TIAM2: variants seen among roughly 807,000 people sequenced by gnomAD.
TIAM2 encodes rho guanine nucleotide exchange factor TIAM2.
In TIAM2, 80 loss-of-function variants were observed where a neutral mutation model predicts 152.9. The observed-to-expected ratio is 0.52, with a 90% CI of 0.44 to 0.63. The LOEUF is 0.63. Among genes scored for constraint, TIAM2 ranks in the 30% least tolerant of loss-of-function variants. The pLI is 0.00. For missense variants in TIAM2, 1,965 were observed against 2,120.1 expected (o/e 0.93, Z 1.44); for synonymous variants, 804 against 838.0 (o/e 0.96, Z 0.70).
At chr6:155,173,858 T>C (rs1212554175) in intron 9 of TIAM2, among the ~76,000 whole-genome samples, 1 of 152,042 alleles carries the variant, frequency 6.6e-6, no homozygotes, top group Non-Finnish European at 1.5e-5. Flanking sequence ...AAAGGAGAGA[T>C]AGGAGAGAAT....
chr6:155,055,079 C>T (rs1777412328), intron 1 of TIAM2, among the ~76,000 whole-genome samples: 1 of 152,164 alleles, frequency 6.6e-6, no homozygotes, highest in Non-Finnish European at 1.5e-5. Context: ...CCATTTCCTT[C>T]ACTTGGGGAG....
At chr6:155,227,405 C>T (rs1782287687) in intron 15 of TIAM2, among the ~76,000 whole-genome samples, 2 of 152,304 alleles carry the variant, frequency 1.3e-5, no homozygotes, top group African/African-American at 2.4e-5. Flanking sequence ...ATATTACCAG[C>T]CCCATTTAGC....
intron 2 of TIAM2, among the ~76,000 whole-genome samples, chr6:155,106,435 C>T (rs1225562518): frequency 6.6e-6 from 1 of 152,122 alleles, no homozygotes; most frequent in Non-Finnish European, 1.5e-5. Flanking sequence ...TAAAAAAGCA[C>T]CACGTTGGGG....
At chr6:155,050,193 G>A (rs1777286953) in intron 1 of TIAM2, among the ~76,000 whole-genome samples, 1 of 152,128 alleles carries the variant, frequency 6.6e-6, no homozygotes, top group Non-Finnish European at 1.5e-5. Flanking sequence ...CACCATGCCT[G>A]ACTAATTTTT....
intron 7 of TIAM2, among the ~76,000 whole-genome samples, chr6:155,163,803 A>G (rs1172192395): frequency 6.6e-6 from 1 of 152,258 alleles, no homozygotes; most frequent in Non-Finnish European, 1.5e-5. Context: ...CTGACTTGCA[A>G]ATTGCATCCT....
intron 22 of TIAM2, 34 bp downstream of exon 22, chr6:155,251,055 C>CAG: frequency 1.3e-6 from 2 of 1,586,186 alleles, no homozygotes; most frequent in Non-Finnish European, 1.7e-6. Flanking sequence ...GCAGACTGAA[C>CAG]AGAGGCTGGG....
intron 9 of TIAM2, among the ~76,000 whole-genome samples, chr6:155,176,144 G>A (rs966410464): frequency 6.6e-6 from 1 of 152,316 alleles, no homozygotes; most frequent in Admixed American, 6.5e-5. Flanking sequence ...AGGGATTATG[G>A]CTGAGATGCA....
intron 1 of TIAM2, among the ~76,000 whole-genome samples, chr6:155,028,543 A>G (rs561447805): frequency 7.2e-5 from 10 of 139,332 alleles, no homozygotes; most frequent in African/African-American, 1.3e-4. Flanking sequence ...TGTTACATAT[A>G]TACTACATAT....
chr6:155,146,000 A>AAAC (rs756790316), intron 6 of TIAM2, among the ~76,000 whole-genome samples: 5 of 152,228 alleles, frequency 3.3e-5, no homozygotes, highest in Non-Finnish European at 7.3e-5. Context: ...GTAAAAAAAC[A>AAAC]AACAACAACA....
intron 1 of TIAM2, among the ~76,000 whole-genome samples, chr6:155,039,597 T>A (rs1311762003): frequency 7.7e-6 from 1 of 130,136 alleles, no homozygotes; most frequent in Admixed American, 8.7e-5. Flanking sequence ...TTGGACCTCA[T>A]GCTCTTACAA....
chr6:155,150,817 T>G (rs1779939811), intron 7 of TIAM2, among the ~76,000 whole-genome samples: 1 of 152,150 alleles, frequency 6.6e-6, no homozygotes, highest in African/African-American at 2.4e-5. Context: ...GGGCCGCGTT[T>G]TATAAGGCCA....
chr6:155,059,321 T>TGTGCGCGCGC (rs1554227486), intron 1 of TIAM2, among the ~76,000 whole-genome samples: 3 of 117,376 alleles, frequency 2.6e-5, no homozygotes, highest in African/African-American at 1.0e-4. Context: ...TGTGTGTGTG[T>TGTGCGCGCGC]GTGTGCGCGT....
chr6:155,140,384 G>T (rs1382333181), intron 5 of TIAM2, among the ~76,000 whole-genome samples: 5 of 152,218 alleles, frequency 3.3e-5, no homozygotes, highest in Admixed American at 1.3e-4. Context: ...ACTTAGAATG[G>T]ATGCACGTTA....
chr6:155,177,690 A>G (rs1035168776), intron 10 of TIAM2, among the ~76,000 whole-genome samples: 3 of 152,242 alleles, frequency 2.0e-5, no homozygotes, highest in Non-Finnish European at 4.4e-5. Context: ...AAAATGTTTA[A>G]TTTTAGTCCC....
intron 7 of TIAM2, among the ~76,000 whole-genome samples, chr6:155,158,546 A>C (rs1050504340): frequency 6.6e-6 from 1 of 151,860 alleles, no homozygotes; most frequent in Non-Finnish European, 1.5e-5. Flanking sequence ...TCTATATAGA[A>C]GTTATGTTTT....
intron 1 of TIAM2, among the ~76,000 whole-genome samples, chr6:155,003,094 T>A (rs1420514887): frequency 4.6e-5 from 7 of 152,166 alleles, no homozygotes; most frequent in African/African-American, 1.7e-4. Flanking sequence ...TCATTGAAAT[T>A]GTTTTTAAAA....
chr6:155,132,478 A>G (rs1779470306), intron 4 of TIAM2, among the ~76,000 whole-genome samples: 1 of 151,832 alleles, frequency 6.6e-6, no homozygotes, highest in African/African-American at 2.4e-5. Flanking sequence ...TCCTGTTTTC[A>G]GGGCCTCTTC....
At position 155,256,591 on chromosome 6, in the gene TIAM2, G is replaced by A. The variant is rs1483295609; in HGVS notation, c.4576G>A (p.Gly1526Ser). The A allele has an allele frequency of 8.1e-6, 13 of 1,614,024 alleles. No homozygotes were observed. The highest frequency in any genetic ancestry group is 1.1e-5 in the South Asian group (1 of 91,084). The change falls in exon 27 of 27, where the codon GGC (glycine) becomes AGC (serine). Residue 1526 changes from glycine to serine, a missense_variant. Physicochemically the swap from Gly to Ser is moderately conservative, Grantham distance 56. Coordinates refer to ENST00000682666, the MANE Select transcript of TIAM2 (RefSeq NM_012454.4). ...LDSDEGSLSS[G>S]TQSSGCPTAE... The stretch of plus-strand genomic sequence containing the variant: ...CTCTGACGAGGGCAGCTTGAGCAGC[G>A]GCACCCAGAGCAGCGGCTGCCCCAC...
intron 6 of TIAM2, among the ~76,000 whole-genome samples, chr6:155,146,768 ATTTTTTTT>A (rs373361803): frequency 2.7e-3 from 371 of 135,804 alleles, no homozygotes; most frequent in Middle Eastern, 7.5e-3. Context: ...TGCCTGGCTA[ATTTTTTTT>A]TTTTTTTTTT....
Sources: allele counts gnomAD v4.1 joint callset (sites outside exome capture counted in the v4.1 genomes callset), GRCh38; gene constraint gnomAD v4.1.1; transcripts MANE v1.5; gene names NCBI Gene and HGNC (gene_info 2026-07-23, HGNC 2026-07-21).